The following RBM47 variants were observed in gnomAD, a reference collection of about 807,000 sequenced individuals.
RBM47 encodes RNA binding motif protein 47.
Under a neutral mutation model 47.1 loss-of-function variants are expected in RBM47, and 21 were observed. The observed-to-expected ratio is 0.45, with a 90% CI of 0.32 to 0.64. The LOEUF is 0.64. Among genes scored for constraint, RBM47 ranks in the 30% least tolerant of loss-of-function variants. The pLI, the probability that RBM47 is intolerant of heterozygous loss-of-function variation, is 0.05. For missense variants in RBM47, 708 were observed against 870.9 expected (o/e 0.81, Z 2.35); for synonymous variants, 375 against 361.7 (o/e 1.04, Z -0.42).
intron 1 of RBM47, among the ~76,000 whole-genome samples, chr4:40,560,693 G>T (rs927566467): frequency 1.3e-5 from 2 of 152,166 alleles, no homozygotes; most frequent in Admixed American, 1.3e-4. Context: ...TAGGCTGGGC[G>T]TGGTGGCTCA....
intron 1 of RBM47, among the ~76,000 whole-genome samples, chr4:40,608,207 A>T (rs147107269): frequency 3.3e-5 from 5 of 152,250 alleles, no homozygotes; most frequent in Non-Finnish European, 7.4e-5. Flanking sequence ...TTCTTCCCCA[A>T]CTGTCCCTCC....
chr4:40,602,726 C>A (rs917162479), intron 1 of RBM47, among the ~76,000 whole-genome samples: 5 of 151,058 alleles, frequency 3.3e-5, no homozygotes, highest in Non-Finnish European at 5.9e-5. Flanking sequence ...AGCTCAGAAT[C>A]TTAGATTCAT....
chr4:40,473,880 T>G (rs1719254540), intron 2 of RBM47, among the ~76,000 whole-genome samples: 1 of 152,198 alleles, frequency 6.6e-6, no homozygotes, highest in Non-Finnish European at 1.5e-5. Flanking sequence ...ATACTAACAT[T>G]CTTACAGTGG....
At position 40,425,970 on chromosome 4, in the gene RBM47, G is replaced by A; in HGVS notation, c.1716C>T (p.Tyr572=). The A allele has an allele frequency of 1.2e-6, 2 of 1,614,204 alleles. No individual in the cohort carries two copies. The highest frequency in any genetic ancestry group is 2.2e-5 in the South Asian group (2 of 91,082). The part of the protein sequence containing the change: ...AAAMYGGYAG[Y]IPQAFPAAAI... ...CAGCAGCAGGGAAGGCCTGAGGTAT[G>A]TAGCCTGCGTATCCTCCATACATGG... The change falls in exon 7 of 7, where the codon TAC becomes TAT. Residue 572 remains tyrosine, a synonymous_variant. Coordinates refer to ENST00000295971, the MANE Select transcript of RBM47 (RefSeq NM_001098634.2).
chr4:40,452,971 G>A (rs570549833), intron 3 of RBM47, among the ~76,000 whole-genome samples: 12 of 150,966 alleles, frequency 7.9e-5, no homozygotes, highest in African/African-American at 2.4e-4. Flanking sequence ...AGCCTCCCGA[G>A]TAGCTGGAAC....
At chr4:40,516,635 A>G (rs1333661649) in intron 2 of RBM47, among the ~76,000 whole-genome samples, 4 of 152,136 alleles carry the variant, frequency 2.6e-5, no homozygotes, top group Non-Finnish European at 5.9e-5. Context: ...CACAGGTATT[A>G]TTATTATTCT....
intron 2 of RBM47, among the ~76,000 whole-genome samples, chr4:40,500,316 C>A (rs565542335): frequency 3.3e-5 from 5 of 150,546 alleles, no homozygotes; most frequent in South Asian, 2.1e-4. Context: ...TTCGTCCCCC[C>A]CCAAAAAAAA....
chr4:40,554,203 A>G (rs1479736452), intron 1 of RBM47, among the ~76,000 whole-genome samples: 1 of 152,080 alleles, frequency 6.6e-6, no homozygotes, highest in Non-Finnish European at 1.5e-5. Context: ...TACTGTCCCA[A>G]TGATAACTTC....
At chr4:40,527,334 T>G (rs997299627) in intron 2 of RBM47, among the ~76,000 whole-genome samples, 1 of 151,390 alleles carries the variant, frequency 6.6e-6, no homozygotes, top group Non-Finnish European at 1.5e-5. Context: ...TTGCTCAGGC[T>G]GGAGTGCAGT....
At position 40,606,589 on chromosome 4, in the gene RBM47, T is replaced by A. The variant is rs146556156; in HGVS notation, c.-240+22807A>T. Among the ~76,000 whole-genome samples the A allele has an allele frequency of 6.2e-3, 937 of 152,294 alleles. 9 individuals carry two copies. The highest frequency in any genetic ancestry group is 0.02 in the Middle Eastern group (6 of 294). ...CTGCTCTGCAGCACAGCTTGGTGGTTGAGAGATGAACTCTGAAGCCACACT... is the reference window on the plus strand; with the variant it reads ...CTGCTCTGCAGCACAGCTTGGTGGTAGAGAGATGAACTCTGAAGCCACACT... On this transcript the variant is annotated intron_variant, in intron 1 of 6. Transcript: ENST00000295971.
intron 1 of RBM47, among the ~76,000 whole-genome samples, chr4:40,572,323 C>T (rs1483680364): frequency 2.0e-5 from 3 of 148,176 alleles, no homozygotes; most frequent in African/African-American, 5.0e-5. Flanking sequence ...GCGGAGGTTG[C>T]GCCACTGCAC....
intron 2 of RBM47, among the ~76,000 whole-genome samples, chr4:40,516,512 G>T (rs957005868): frequency 1.3e-5 from 2 of 151,784 alleles, no homozygotes; most frequent in Admixed American, 6.6e-5. Flanking sequence ...CGCCCGCCTT[G>T]GCCTCCCAAA....
At chr4:40,534,971 G>C (rs1027060678) in intron 2 of RBM47, among the ~76,000 whole-genome samples, 10 of 151,052 alleles carry the variant, frequency 6.6e-5, no homozygotes, top group African/African-American at 2.4e-4. Flanking sequence ...ACTCGCCTCA[G>C]ACTGACGTAG....
chr4:40,452,698 T>A (rs1715627633), intron 3 of RBM47, among the ~76,000 whole-genome samples: 1 of 151,616 alleles, frequency 6.6e-6, no homozygotes, highest in African/African-American at 2.4e-5. Context: ...AGTTTTTTTT[T>A]AAGCCTTTTT....
chr4:40,436,171 CAAAA>C lies in RBM47; in HGVS notation c.1330+266_1330+269del, dbSNP rs68002544. Among the ~76,000 whole-genome samples the C allele has an allele frequency of 3.4e-4, 44 of 130,252 alleles. 1 individual carries two copies. The highest frequency in any genetic ancestry group is 1.2e-3 in the African/African-American group (41 of 33,946). The allele number at this position is 130,252 out of a possible 152,430, so 85.5% of individuals were successfully genotyped here. On this transcript the variant is annotated intron_variant, in intron 5 of 6. Coordinates refer to ENST00000295971, the MANE Select transcript of RBM47 (RefSeq NM_001098634.2). The stretch of plus-strand genomic sequence containing the variant: ...TGGGCGACAGAGCGAGACTCTGTCT[CAAAA>C]AAAAAAAAAAACAAACAAACAAACA...
At chr4:40,587,909 G>T (rs897846323) in intron 1 of RBM47, among the ~76,000 whole-genome samples, 12 of 152,216 alleles carry the variant, frequency 7.9e-5, no homozygotes, top group African/African-American at 2.7e-4. Flanking sequence ...CAAGGCAAGG[G>T]TGACTAAGCC....
intron 2 of RBM47, among the ~76,000 whole-genome samples, chr4:40,486,697 G>A (rs990863610): frequency 1.2e-4 from 19 of 152,196 alleles, no homozygotes; most frequent in African/African-American, 4.6e-4. Flanking sequence ...TGGGGTGAGG[G>A]TTGGGTAGAG....
At chr4:40,616,585 T>G (rs535069332) in intron 1 of RBM47, among the ~76,000 whole-genome samples, 2 of 152,262 alleles carry the variant, frequency 1.3e-5, no homozygotes, top group South Asian at 2.1e-4. Context: ...CTTTAGGTAC[T>G]AGAAACTCAA....
At chr4:40,606,257 G>A (rs1208363214) in intron 1 of RBM47, among the ~76,000 whole-genome samples, 3 of 151,682 alleles carry the variant, frequency 2.0e-5, no homozygotes, top group Non-Finnish European at 4.4e-5. Flanking sequence ...GATGATGTAG[G>A]TGATATATAG....
Sources: allele counts gnomAD v4.1 joint callset (sites outside exome capture counted in the v4.1 genomes callset), GRCh38; gene constraint gnomAD v4.1.1; transcripts MANE v1.5; gene names NCBI Gene and HGNC (gene_info 2026-07-23, HGNC 2026-07-21).